ADGRL3: variants seen among roughly 807,000 people sequenced by gnomAD.
ADGRL3 encodes the protein adhesion G protein-coupled receptor L3.
Under a neutral mutation model 153.5 loss-of-function variants are expected in ADGRL3, and 62 were observed. That is an observed-to-expected ratio of 0.40 (90% CI 0.33 to 0.50). The LOEUF (loss-of-function observed/expected upper bound fraction) is 0.50. Ranked by LOEUF, ADGRL3 falls within the 20% of genes least tolerant of loss-of-function variation. The probability of loss-of-function intolerance (pLI) is 0.47; values close to 1 mark genes in which losing one functional copy is unlikely to be tolerated. For missense variants in ADGRL3, 1,641 were observed against 1,859.4 expected (o/e 0.88, Z 2.16); for synonymous variants, 710 against 672.5 (o/e 1.06, Z -0.86).
At chr4:61,626,140 A>T (rs199821012) in intron 5 of ADGRL3, among the ~76,000 whole-genome samples, 1 of 151,352 alleles carries the variant, frequency 6.6e-6, no homozygotes, top group South Asian at 2.1e-4. Flanking sequence ...CTACAAAAAA[A>T]AAATTTACTT....
chr4:61,245,532 T>C (rs1190902318), intron 1 of ADGRL3, among the ~76,000 whole-genome samples: 1 of 152,068 alleles, frequency 6.6e-6, no homozygotes, highest in Non-Finnish European at 1.5e-5. Context: ...ATTGTCATTA[T>C]TGTTTATGCC....
intron 5 of ADGRL3, among the ~76,000 whole-genome samples, chr4:61,652,529 C>T (rs371326079): frequency 6.6e-6 from 1 of 152,292 alleles, no homozygotes; most frequent in Non-Finnish European, 1.5e-5. Flanking sequence ...ATCTCTCCTA[C>T]ATGACCTAAA....
chr4:61,822,167 G>T (rs1365829700), intron 9 of ADGRL3, among the ~76,000 whole-genome samples: 1 of 152,104 alleles, frequency 6.6e-6, no homozygotes, highest in Non-Finnish European at 1.5e-5. Context: ...GCATATAACG[G>T]AGTTCTTTGA....
At chr4:61,405,725 T>G (rs1310881658) in intron 2 of ADGRL3, among the ~76,000 whole-genome samples, 1 of 151,950 alleles carries the variant, frequency 6.6e-6, no homozygotes. Context: ...TTTGCCAAAT[T>G]CTTATGTTGA....
chr4:61,265,192 T>C (rs766541093), intron 1 of ADGRL3, among the ~76,000 whole-genome samples: 4 of 152,012 alleles, frequency 2.6e-5, no homozygotes, highest in Non-Finnish European at 4.4e-5. Flanking sequence ...ATAGTTCTTA[T>C]TTCTGGGAAA....
At chr4:61,848,009 TTA>T (rs1362801886) in intron 9 of ADGRL3, among the ~76,000 whole-genome samples, 294 of 8,760 alleles carry the variant, frequency 0.034, 12 homozygotes, top group South Asian at 0.093. Flanking sequence ...ATAAAATATA[TTA>T]TATATATAAT....
At chr4:61,918,114 G>A (rs1267977229) in intron 13 of ADGRL3, among the ~76,000 whole-genome samples, 1 of 152,162 alleles carries the variant, frequency 6.6e-6, no homozygotes, top group Non-Finnish European at 1.5e-5. Context: ...ATTAGTGCGG[G>A]ATACTGAGGT....
At chr4:61,577,682 G>T (rs114890513) in intron 4 of ADGRL3, among the ~76,000 whole-genome samples, 1 of 151,516 alleles carries the variant, frequency 6.6e-6, no homozygotes, top group East Asian at 2.0e-4. Flanking sequence ...GCATGGTGGC[G>T]CATGGCTGTA....
intron 2 of ADGRL3, among the ~76,000 whole-genome samples, chr4:61,437,779 C>T (rs951611677): frequency 6.6e-6 from 1 of 152,180 alleles, no homozygotes; most frequent in Non-Finnish European, 1.5e-5. Flanking sequence ...AGCTCCACCT[C>T]AGACAAGCTT....
chr4:61,883,600 T>C (rs1178100182), intron 9 of ADGRL3, among the ~76,000 whole-genome samples: 2 of 152,190 alleles, frequency 1.3e-5, no homozygotes, highest in African/African-American at 4.8e-5. Context: ...TACATCGCTT[T>C]TAAATGATGG....
At chr4:61,636,871 A>G (rs1244435605) in intron 5 of ADGRL3, among the ~76,000 whole-genome samples, 1 of 151,814 alleles carries the variant, frequency 6.6e-6, no homozygotes, top group Non-Finnish European at 1.5e-5. Context: ...GACTTAAGGA[A>G]AAATAATAAC....
intron 21 of ADGRL3, among the ~76,000 whole-genome samples, chr4:62,006,310 G>T (rs939968646): frequency 5.9e-5 from 9 of 151,622 alleles, no homozygotes; most frequent in Admixed American, 5.3e-4. Flanking sequence ...TGCCTGAGCC[G>T]CGGAGCCCAG....
At chr4:61,879,870 C>T (rs1251636477) in intron 9 of ADGRL3, among the ~76,000 whole-genome samples, 1 of 152,098 alleles carries the variant, frequency 6.6e-6, no homozygotes, top group Non-Finnish European at 1.5e-5. Context: ...CAGACATGCA[C>T]CACCATGCCT....
At chr4:61,236,008 C>CTTTTTTT (rs55932029) in intron 1 of ADGRL3, among the ~76,000 whole-genome samples, 1,035 of 95,610 alleles carry the variant, frequency 0.011, 6 homozygotes, top group East Asian at 0.016. Context: ...CTTTTCTTTT[C>CTTTTTTT]TTTTTTTTTT....
At chr4:61,887,905 T>C (rs1413614836) in intron 9 of ADGRL3, among the ~76,000 whole-genome samples, 1 of 152,140 alleles carries the variant, frequency 6.6e-6, no homozygotes, top group Non-Finnish European at 1.5e-5. Flanking sequence ...TTTACAAGTA[T>C]TTATTTTCAC....
intron 1 of ADGRL3, among the ~76,000 whole-genome samples, chr4:61,280,745 A>G (rs141340865): frequency 6.6e-6 from 1 of 152,184 alleles, no homozygotes; most frequent in African/African-American, 2.4e-5. Flanking sequence ...GTAAGGATGC[A>G]TATTTTAATA....
intron 8 of ADGRL3, chr4:61,775,745 G>A: frequency 1.1e-6 from 1 of 921,686 alleles, no homozygotes; most frequent in Admixed American, 1.7e-5. Flanking sequence ...GTAGCTTCAT[G>A]AATTCCACGT....
In ADGRL3 at chr4:61,601,670, AATTTT is replaced by A. The variant is rs895748491; in HGVS notation, c.473+14231_473+14235del. Among the ~76,000 whole-genome samples the A allele has an allele frequency of 8.6e-4, 131 of 152,316 alleles. 1 individual carries two copies. Among genetic ancestry groups the A allele is most frequent in the African/African-American group, 3.0e-3 (123 of 41,586 alleles). ...TAAGACTCATAAATATTGCAAGTTT[AATTTT>A]CTCTATCATACCTCATACCAGTGGT... On this transcript the variant is annotated intron_variant, in intron 5 of 26. Coordinates refer to ENST00000683033, the MANE Select transcript of ADGRL3 (RefSeq NM_001387552.1).
chr4:61,594,400 A>G (rs937025440), intron 5 of ADGRL3, among the ~76,000 whole-genome samples: 3 of 152,074 alleles, frequency 2.0e-5, no homozygotes, highest in Non-Finnish European at 2.9e-5. Context: ...AGAGGTAGAT[A>G]TTTATTGTAG....
Sources: gnomAD v4.1 joint callset for allele counts (sites outside exome capture counted in the v4.1 genomes callset) on GRCh38, gnomAD v4.1.1 for gene constraint, MANE v1.5 for transcripts, NCBI Gene and HGNC (gene_info 2026-07-23, HGNC 2026-07-21) for gene names.